NPHS1: variants seen among roughly 807,000 people sequenced by gnomAD.
The protein encoded by NPHS1 is nephrin.
In NPHS1, 107 loss-of-function variants were observed where a neutral mutation model predicts 139.7. The observed-to-expected ratio is 0.77, with a 90% confidence interval of 0.66 to 0.90. The LOEUF is 0.90. Ranked by LOEUF, NPHS1 falls within the 40% of genes least tolerant of loss-of-function variation. The pLI, the probability that NPHS1 is intolerant of heterozygous loss-of-function variation, is 0.00. For synonymous variants in NPHS1, 707 were observed against 706.6 expected (o/e 1.00, Z -0.01); for missense variants, 1,580 against 1,654.2 (o/e 0.96, Z 0.78).
chr19:35,848,982 C>A lies in NPHS1; in HGVS notation c.1006G>T (p.Val336Phe). The A allele has an allele frequency of 1.9e-6, 3 of 1,611,812 alleles. No homozygotes were observed. The highest frequency in any genetic ancestry group is 2.5e-6 in the Non-Finnish European group (3 of 1,180,028). The change falls in exon 8 of 29, where the codon GTC becomes TTC. Residue 336 changes from valine to phenylalanine, a missense_variant. Val to Phe is a conservative substitution (Grantham distance 50, BLOSUM62 -1). Transcript: ENST00000378910. ...GTQEHGITLQ[V>F]TFPPSAIIIL... Reference sequence around the variant, plus strand: ...AGCTGGCACCAGGACTCACAGGTGACCTGCAGTGTGATGCCGTGCTCCTGG... The same window carrying A: ...AGCTGGCACCAGGACTCACAGGTGAACTGCAGTGTGATGCCGTGCTCCTGG...
chr19:35,837,007 AAAAG>A (rs1426830707), intron 22 of NPHS1, among the ~76,000 whole-genome samples: 4 of 139,058 alleles, frequency 2.9e-5, no homozygotes, highest in Admixed American at 1.6e-4. Context: ...AAAAAAAAAA[AAAAG>A]AAAGAAAAGA....
chr19:35,844,044 A>T (rs1446488923), intron 16 of NPHS1, 59 bp downstream of exon 16: 2 of 1,582,828 alleles, frequency 1.3e-6, no homozygotes, highest in Non-Finnish European at 1.7e-6. Context: ...CAATGAGGAG[A>T]CTCCACAATG....
intron 17 of NPHS1, 90 bp downstream of exon 17, chr19:35,843,382 A>C: frequency 1.4e-6 from 2 of 1,467,206 alleles, no homozygotes; most frequent in South Asian, 2.3e-5. Flanking sequence ...GGTCATACAG[A>C]TGTATGTGGT....
rs137853042 is a variant in NPHS1 at position 35,831,358 on chromosome 19, G to A, written c.3325C>T (p.Arg1109Ter). Residue 1109 changes from arginine (R) to a stop codon, truncating the protein, a stop_gained, in exon 26 of 29, where the codon CGA (arginine) becomes TGA (stop). Transcript: ENST00000378910. LOFTEE classifies it high-confidence loss of function. ...CTCTCCTCATATTCGTTCCTGACTC[G>A]GTCCTCTTCCGACCTTCCAGGATGA... The part of the protein sequence containing the change: ...EKTEAGSEED[R>*]VRNEYEESQW... The A allele has an allele frequency of 6.3e-5, 102 of 1,613,818 alleles. No homozygotes were observed. Among genetic ancestry groups the A allele is most frequent in the East Asian group, 4.5e-5 (2 of 44,878 alleles).
At chr19:35,835,647 A>G in intron 23 of NPHS1, 58 bp downstream of exon 23, 1 of 1,457,744 alleles carries the variant, frequency 6.9e-7, no homozygotes, top group East Asian at 2.3e-5. Flanking sequence ...GTAGGGTCAG[A>G]GACCAGGAGG....
At chr19:35,826,701 T>C (rs905092628) in intron 28 of NPHS1, 56 bp from the exon 29 acceptor site, 208 of 1,603,112 alleles carry the variant, frequency 1.3e-4, no homozygotes, top group Non-Finnish European at 1.7e-4. Context: ...AGGTCTTCAT[T>C]GAAGATCTGG....
At position 35,845,501 on chromosome 19, in the gene NPHS1, G is replaced by GA. The variant is rs1454056369; in HGVS notation, c.1796dup (p.Lys600GlnfsTer74). 1 of 1,613,084 alleles carries GA rather than the reference G, an allele frequency of 6.2e-7. No individual in the cohort carries two copies. Among genetic ancestry groups the GA allele is most frequent in the Non-Finnish European group, 8.5e-7 (1 of 1,179,692 alleles). Reference sequence around the variant, plus strand: ...CGCTCCTGGCGGCGGCGGAGCCTTTGAATGGGGCTCTCCGGGGTGGGGCGG... The same window carrying GA: ...CGCTCCTGGCGGCGGCGGAGCCTTTGAAATGGGGCTCTCCGGGGTGGGGCGG... On this transcript the variant is annotated frameshift_variant, in exon 14 of 29. Coordinates refer to ENST00000378910, the MANE Select transcript of NPHS1 (RefSeq NM_004646.4). LOFTEE classifies it high-confidence loss of function. This position sits in a 1 kb window ranked among gnomAD's most constrained non-coding sequence, Gnocchi z 5.5.
chr19:35,851,868 G>A lies in NPHS1; in HGVS notation c.-31C>T, dbSNP rs376050812. On this transcript the variant is annotated 5_prime_UTR_variant, in exon 1 of 29. Transcript: ENST00000378910. ...GTCCCCCTACTGTGACCCCCACAGC[G>A]CCCGCTGCCAGCCACCTGCGTCTGT... 390 of 1,545,274 alleles carry A rather than the reference G, an allele frequency of 2.5e-4. No homozygotes were observed. Among genetic ancestry groups the A allele is most frequent in the Non-Finnish European group, 3.2e-4 (365 of 1,142,576 alleles).
At chr19:35,831,994 AC>A (rs1404442308) in intron 23 of NPHS1, among the ~76,000 whole-genome samples, 1 of 152,178 alleles carries the variant, frequency 6.6e-6, no homozygotes, top group Non-Finnish European at 1.5e-5. Context: ...CAAACTCAGA[AC>A]GGAACTCTGG....
At chr19:35,830,671 AGT>A (rs1972864350) in intron 28 of NPHS1, among the ~76,000 whole-genome samples, 171 bp downstream of exon 28, 1 of 152,168 alleles carries the variant, frequency 6.6e-6, no homozygotes, top group African/African-American at 2.4e-5. Flanking sequence ...GGCCTCCCAA[AGT>A]GTTGGGATTA....
intron 23 of NPHS1, among the ~76,000 whole-genome samples, chr19:35,835,264 T>G (rs1972941745): frequency 6.8e-6 from 1 of 147,550 alleles, no homozygotes; most frequent in Admixed American, 6.8e-5. Context: ...AGTCTGCAAG[T>G]CTGCAATTCT....
At chr19:35,843,644 G>T in intron 16 of NPHS1, 51 bp from the exon 17 acceptor site, 1 of 1,605,274 alleles carries the variant, frequency 6.2e-7, no homozygotes, top group South Asian at 1.1e-5. Flanking sequence ...GACAGGTCTG[G>T]GTGTGAGAGG....
intron 28 of NPHS1, 61 bp downstream of exon 28, chr19:35,830,782 CA>C (rs1972866414): frequency 9.8e-7 from 1 of 1,021,332 alleles, no homozygotes; most frequent in Non-Finnish European, 1.6e-6. Flanking sequence ...CTAATACAAG[CA>C]ATAGGAGGTA....
At chr19:35,851,729 T>C (rs1481649639) in intron 1 of NPHS1, 51 bp downstream of exon 1, 1 of 1,566,504 alleles carries the variant, frequency 6.4e-7, no homozygotes, top group South Asian at 1.2e-5. Flanking sequence ...GGAAGGTAAG[T>C]GGGAAATGGG....
rs772188786 is a variant in NPHS1, at chr19:35,831,411, C to T, written c.3312-40G>A. On this transcript the variant is annotated intron_variant, in intron 25 of 28. Coordinates refer to ENST00000378910, the MANE Select transcript of NPHS1 (RefSeq NM_004646.4). ...GTGTGGGGGGAAGTTGAGTGCTGCCCCCCGCCACCAGTCTCCCCCAAACCT... is the reference window on the plus strand; with the variant it reads ...GTGTGGGGGGAAGTTGAGTGCTGCCTCCCGCCACCAGTCTCCCCCAAACCT... 8.7e-6 allele frequency: 14 copies of T among 1,612,854 alleles called. 1 individual carries two copies. The Admixed American group carries it at 1.7e-4, about 19-fold the overall frequency.
At chr19:35,831,401 G>A in intron 25 of NPHS1, 30 bp from the exon 26 acceptor site, 1 of 1,611,974 alleles carries the variant, frequency 6.2e-7, no homozygotes, top group Non-Finnish European at 8.5e-7. Flanking sequence ...GGGGGAAGTT[G>A]AGTGCTGCCC....
At chr19:35,827,789 T>C (rs1446444096) in intron 28 of NPHS1, among the ~76,000 whole-genome samples, 1 of 152,042 alleles carries the variant, frequency 6.6e-6, no homozygotes, top group Non-Finnish European at 1.5e-5. Flanking sequence ...TGATGGTGCA[T>C]GCCTGTAATC....
At position 35,834,927 on chromosome 19, in the gene NPHS1, G is replaced by A. The variant is rs141268840; in HGVS notation, c.3166+778C>T. ...ATAAAAAAAAAAAATGCCGAGTGCCGTAGCTCATGCCTGTTATCCCAGCAC... is the reference window on the plus strand; with the variant it reads ...ATAAAAAAAAAAAATGCCGAGTGCCATAGCTCATGCCTGTTATCCCAGCAC... On this transcript the variant is annotated intron_variant, in intron 23 of 28. Transcript: ENST00000378910. Among the ~76,000 whole-genome samples the A allele has an allele frequency of 1.4e-3, 214 of 151,252 alleles. 1 individual carries two copies. The highest frequency in any genetic ancestry group is 4.6e-3 in the African/African-American group (189 of 41,210).
chr19:35,850,534 C>A lies in NPHS1; in HGVS notation c.527-89G>T, dbSNP rs558046152. 1.0e-5 allele frequency: 11 copies of A among 1,096,354 alleles called. No homozygotes were observed. The South Asian group carries it at 1.3e-4, about 12-fold the overall frequency. 67.9% of individuals were successfully genotyped at this position (1,096,354 alleles called of 1,614,324 possible). A position where few individuals can be genotyped will look rare whatever the true frequency, so the allele number is the denominator to read the frequency against. On this transcript the variant is annotated intron_variant, in intron 4 of 28. Transcript: ENST00000378910. ...GGCCTGGAAGTCCTCAGGGTGGGTG[C>A]GATGCCCCCTCCCTCCTCGTTCTAG...
Sources: allele counts gnomAD v4.1 joint callset (sites outside exome capture counted in the v4.1 genomes callset), GRCh38; gene constraint gnomAD v4.1.1; non-coding constraint Gnocchi (gnomAD v3.1); transcripts MANE v1.5; gene names NCBI Gene and HGNC (gene_info 2026-07-23, HGNC 2026-07-21).